MERTK: variants seen among roughly 807,000 people sequenced by gnomAD.
The protein encoded by MERTK is tyrosine-protein kinase Mer.
MERTK carries 69 observed loss-of-function variants against 99.3 expected under a neutral mutation model. The observed-to-expected ratio is 0.70, with a 90% CI of 0.57 to 0.85. MERTK has a LOEUF of 0.85. MERTK is among the 40% of genes least tolerant of loss of function. The pLI, the probability that MERTK is intolerant of heterozygous loss-of-function variation, is 0.00. For missense variants in MERTK, 1,125 were observed against 1,249.4 expected (o/e 0.90, Z 1.50); for synonymous variants, 426 against 467.6 (o/e 0.91, Z 1.15).
Position 112,029,106 on chromosome 2 carries a change from T to C in MERTK, c.*242T>C, listed in dbSNP as rs541794510. The C allele has an allele frequency of 3.3e-6, 4 of 1,203,514 alleles. No homozygotes were observed. In the East Asian group the frequency reaches 1.5e-4, roughly 46 times the overall value. The allele number at this position is 1,203,514 out of a possible 1,614,324, so 74.6% of individuals were successfully genotyped here. On this transcript the variant is annotated 3_prime_UTR_variant, in exon 19 of 19. Transcript: ENST00000295408. ...GGATATTTTAATAAAACATTACTTA[T>C]TTCATTTCACTTATCTTGCATATCT...
intron 13 of MERTK, among the ~76,000 whole-genome samples, chr2:112,005,224 C>T (rs979169478): frequency 6.6e-5 from 10 of 152,048 alleles, no homozygotes; most frequent in East Asian, 1.9e-4. Context: ...CCCACCAACA[C>T]GCCTGGCTAA....
Position 111,994,363 on chromosome 2 carries a change from G to T in MERTK, c.1409G>T (p.Gly470Val). The T allele has an allele frequency of 1.2e-6, 2 of 1,614,102 alleles. No homozygotes were observed. The highest frequency in any genetic ancestry group is 1.7e-6 in the Non-Finnish European group (2 of 1,180,034). Reference protein sequence around the residue: ...RIAAVTRGGVGPFSDPVKIFI... With the variant: ...RIAAVTRGGVVPFSDPVKIFI... ...GCAGCCGTCACCAGAGGGGGAGTTG[G>T]GCCCTTCAGTGATCCAGTGAAAATA... The change falls in exon 9 of 19, where the codon GGG (glycine) becomes GTG (valine). Residue 470 changes from glycine (G) to valine (V), a missense_variant. Transcript: ENST00000295408.
At chr2:111,945,644 A>G (rs1684949286) in intron 3 of MERTK, among the ~76,000 whole-genome samples, 1 of 152,228 alleles carries the variant, frequency 6.6e-6, no homozygotes, top group Admixed American at 6.5e-5. Flanking sequence ...AGGCTAGGAA[A>G]AGGCAATCTC....
At chr2:111,965,348 G>A in intron 5 of MERTK, 71 bp downstream of exon 5, 4 of 1,469,252 alleles carry the variant, frequency 2.7e-6, no homozygotes, top group Non-Finnish European at 3.8e-6. Context: ...GCTTGCAGCT[G>A]GCTGCCTGGG....
At chr2:111,994,805 G>A in intron 9 of MERTK, 2 of 299,312 alleles carry the variant, frequency 6.7e-6, no homozygotes, top group South Asian at 3.2e-5. Flanking sequence ...AAAAAGAAGG[G>A]AAAAATAAGA....
chr2:111,986,582 A>G (rs955913508), intron 8 of MERTK, among the ~76,000 whole-genome samples: 1 of 152,216 alleles, frequency 6.6e-6, no homozygotes, highest in African/African-American at 2.4e-5. Context: ...AAGGGCAGCA[A>G]TGATGAAAAC....
intron 1 of MERTK, among the ~76,000 whole-genome samples, chr2:111,919,955 G>A (rs745810127): frequency 2.6e-5 from 4 of 151,934 alleles, no homozygotes; most frequent in Non-Finnish European, 5.9e-5. Flanking sequence ...AGCTTTCCTG[G>A]TGTGCCAGGT....
chr2:112,009,298 C>T (rs1677047020), intron 14 of MERTK, among the ~76,000 whole-genome samples: 1 of 152,202 alleles, frequency 6.6e-6, no homozygotes, highest in Admixed American at 6.5e-5. Context: ...AGAACAATTG[C>T]ACTTTGTGAT....
intron 9 of MERTK, among the ~76,000 whole-genome samples, chr2:111,995,916 C>A (rs1429411958): frequency 1.3e-5 from 2 of 152,154 alleles, no homozygotes; most frequent in Non-Finnish European, 2.9e-5. Flanking sequence ...CATTGTACTC[C>A]TGGCTGGGTG....
intron 13 of MERTK, among the ~76,000 whole-genome samples, chr2:112,007,420 C>T (rs1677005397): frequency 6.6e-6 from 1 of 152,194 alleles, no homozygotes; most frequent in Non-Finnish European, 1.5e-5. Flanking sequence ...TCCCAAAGTG[C>T]TGGGATTACA....
intron 17 of MERTK, among the ~76,000 whole-genome samples, chr2:112,021,895 A>G (rs1677358212): frequency 6.6e-6 from 1 of 152,146 alleles, no homozygotes; most frequent in African/African-American, 2.4e-5. Flanking sequence ...AAATTGAATG[A>G]GTTCATCCAC....
At chr2:111,944,168 C>T (rs1024534534) in intron 2 of MERTK, among the ~76,000 whole-genome samples, 6 of 151,968 alleles carry the variant, frequency 3.9e-5, no homozygotes, top group African/African-American at 1.5e-4. Context: ...GGCATGGTGG[C>T]GCATGCCTGT....
chr2:111,982,984 A>G lies in MERTK; in HGVS notation c.1287A>G (p.Ala429=), dbSNP rs115203717. The G allele has an allele frequency of 6.9e-4, 1,121 of 1,613,806 alleles. 5 individuals are homozygous for G. In the African/African-American group the frequency reaches 0.014, roughly 19 times the overall value. Residue 429 remains alanine (A), a synonymous_variant, in exon 8 of 19, where the codon GCA becomes GCG. Coordinates refer to ENST00000295408, the MANE Select transcript of MERTK (RefSeq NM_006343.3). ...GGATATCCCACGTGTGGCAGAGTGC[A>G]GGGATTTCCGTAAGTCTAAACCCTA... is the stretch of plus-strand genomic sequence containing the variant. ...GYRISHVWQS[A]GISKELLEEV...
chr2:112,012,989 T>TA (rs746506889), intron 15 of MERTK, among the ~76,000 whole-genome samples: 1 of 152,234 alleles, frequency 6.6e-6, no homozygotes, highest in Non-Finnish European at 1.5e-5. Context: ...GTTGGTATCT[T>TA]ACGCCTGTGT....
intron 8 of MERTK, among the ~76,000 whole-genome samples, chr2:111,989,316 G>A (rs1357319449): frequency 6.6e-6 from 1 of 151,890 alleles, no homozygotes; most frequent in African/African-American, 2.4e-5. Flanking sequence ...TTATAGAACA[G>A]GCCAGAGTCT....
chr2:112,020,316 T>C (rs763155687), intron 16 of MERTK, among the ~76,000 whole-genome samples: 31 of 152,270 alleles, frequency 2.0e-4, no homozygotes, highest in Admixed American at 1.4e-3. Context: ...AAACTCTTTT[T>C]CCCTTACTGT....
chr2:111,912,625 A>G (rs1406298686), intron 1 of MERTK, among the ~76,000 whole-genome samples: 3 of 152,128 alleles, frequency 2.0e-5, no homozygotes, highest in African/African-American at 7.2e-5. Flanking sequence ...GGTTATTGCC[A>G]TGGGAGATCT....
Position 112,028,415 on chromosome 2 carries a change from A to C in MERTK, c.2551A>C (p.Arg851=), listed in dbSNP as rs769304424. The C allele has an allele frequency of 3.1e-6, 5 of 1,613,996 alleles. No individual in the cohort carries two copies. The highest frequency in any genetic ancestry group is 4.2e-6 in the Non-Finnish European group (5 of 1,180,028). Residue 851 remains arginine, a synonymous_variant, in exon 19 of 19, where the codon AGG becomes CGG. Coordinates refer to ENST00000295408, the MANE Select transcript of MERTK (RefSeq NM_006343.3). ...AGACCGCCCCACCTTTTCAGTATTG[A>C]GGCTGCAGCTAGAAAAACTCTTAGA... ...PLDRPTFSVL[R]LQLEKLLESL...
At position 112,025,226 on chromosome 2, in the gene MERTK, C is replaced by A. The variant is rs1236430646; in HGVS notation, c.2486+2832C>A. Among the ~76,000 whole-genome samples the A allele has an allele frequency of 2.6e-5, 4 of 152,136 alleles. No homozygotes were observed. The South Asian group carries it at 6.2e-4, about 24-fold the overall frequency. On this transcript the variant is annotated intron_variant, in intron 18 of 18. Coordinates refer to ENST00000295408, the MANE Select transcript of MERTK (RefSeq NM_006343.3). ...GAGTGATCGGTTAGGGCCCATCAAC[C>A]CACACACAGCTGGCACTTGCTGGTC...
Sources: gnomAD v4.1 joint callset for allele counts (sites outside exome capture counted in the v4.1 genomes callset) on GRCh38, gnomAD v4.1.1 for gene constraint, MANE v1.5 for transcripts, NCBI Gene and HGNC (gene_info 2026-07-23, HGNC 2026-07-21) for gene names.